RANBP9: variants seen among roughly 807,000 people sequenced by gnomAD.
RANBP9 encodes the protein ran-binding protein 9.
Under a neutral mutation model 84.3 loss-of-function variants are expected in RANBP9, and 15 were observed. The observed-to-expected ratio is 0.18, with a 90% CI of 0.12 to 0.27. The LOEUF (loss-of-function observed/expected upper bound fraction) is 0.27, where lower values mean the gene tolerates loss of function less well. Ranked by LOEUF, RANBP9 falls within the 10% of genes least tolerant of loss-of-function variation. The pLI, the probability that RANBP9 is intolerant of heterozygous loss-of-function variation, is 1.00. For synonymous variants in RANBP9, 392 were observed against 349.6 expected, an observed-to-expected ratio of 1.12 and a Z score of -1.35; for missense variants, 809 against 912.8, an observed-to-expected ratio of 0.89 and a Z score of 1.46.
chr6:13,649,461 G>GAA (rs375894187), intron 5 of RANBP9, among the ~76,000 whole-genome samples: 27 of 92,692 alleles, frequency 2.9e-4, no homozygotes, highest in East Asian at 7.9e-4. Context: ...TGCCACAACA[G>GAA]AAAAAAAAAA....
intron 10 of RANBP9, among the ~76,000 whole-genome samples, chr6:13,636,929 C>G (rs538269642): frequency 5.9e-5 from 9 of 151,920 alleles, no homozygotes; most frequent in Admixed American, 1.3e-4. Flanking sequence ...AAAAGTTAGG[C>G]TCTCTCTCCT....
At chr6:13,657,694 C>A (rs1765433748) in intron 3 of RANBP9, among the ~76,000 whole-genome samples, 1 of 152,134 alleles carries the variant, frequency 6.6e-6, no homozygotes, top group African/African-American at 2.4e-5. Context: ...AGACTGTGAT[C>A]CAAATATAAA....
intron 2 of RANBP9, among the ~76,000 whole-genome samples, chr6:13,686,306 G>T (rs1029591341): frequency 6.6e-6 from 1 of 151,756 alleles, no homozygotes; most frequent in African/African-American, 2.4e-5. Flanking sequence ...TATTTTTTGA[G>T]ATGGAGTCTG....
At chr6:13,635,410 A>G (rs1037373084) in intron 10 of RANBP9, among the ~76,000 whole-genome samples, 4 of 152,214 alleles carry the variant, frequency 2.6e-5, no homozygotes, top group African/African-American at 7.2e-5. Context: ...TAATTATACA[A>G]TCTAGAAGTA....
intron 5 of RANBP9, among the ~76,000 whole-genome samples, chr6:13,646,649 G>A (rs1230261445): frequency 6.6e-6 from 1 of 151,864 alleles, no homozygotes; most frequent in African/African-American, 2.4e-5. Flanking sequence ...CACTATCAAA[G>A]ACAATCAACA....
At chr6:13,690,494 A>G (rs1247279552) in intron 2 of RANBP9, among the ~76,000 whole-genome samples, 1 of 152,194 alleles carries the variant, frequency 6.6e-6, no homozygotes, top group Non-Finnish European at 1.5e-5. Context: ...CAGCAAGCAT[A>G]AAAGGAACAT....
intron 1 of RANBP9, among the ~76,000 whole-genome samples, chr6:13,698,140 C>CACA (rs1322888842): frequency 6.6e-6 from 1 of 152,058 alleles, no homozygotes. Context: ...AGTACATGTT[C>CACA]ACACCCCCCA....
chr6:13,665,253 CATAAAT>C, intron 2 of RANBP9, among the ~76,000 whole-genome samples: 1 of 152,078 alleles, frequency 6.6e-6, no homozygotes. Context: ...AGAGTAAACT[CATAAAT>C]AAAACTTTAG....
chr6:13,630,380 A>G (rs532820625), intron 12 of RANBP9, among the ~76,000 whole-genome samples: 13 of 152,330 alleles, frequency 8.5e-5, no homozygotes, highest in African/African-American at 2.9e-4. Flanking sequence ...CTTCATGTAA[A>G]TAAGAATCAA....
chr6:13,702,378 C>T (rs954983412), intron 1 of RANBP9, among the ~76,000 whole-genome samples: 3 of 152,082 alleles, frequency 2.0e-5, no homozygotes, highest in Non-Finnish European at 4.4e-5. Context: ...GGGATCCGGC[C>T]TGACAAAGCG....
intron 2 of RANBP9, among the ~76,000 whole-genome samples, chr6:13,662,915 C>T (rs1358348409): frequency 6.6e-6 from 1 of 150,658 alleles, no homozygotes; most frequent in Admixed American, 6.6e-5. Context: ...ATCTGAAGGA[C>T]AGAGAAAAAA....
At chr6:13,679,894 C>A (rs1467344209) in intron 2 of RANBP9, among the ~76,000 whole-genome samples, 1 of 152,060 alleles carries the variant, frequency 6.6e-6, no homozygotes, top group African/African-American at 2.4e-5. Context: ...GACTTGTTCA[C>A]AGGAAGTCTC....
chr6:13,665,914 A>C (rs1219631195), intron 2 of RANBP9, among the ~76,000 whole-genome samples: 1 of 152,144 alleles, frequency 6.6e-6, no homozygotes, highest in Non-Finnish European at 1.5e-5. Context: ...AACAAGAAAA[A>C]TCAATCTAAG....
intron 1 of RANBP9, among the ~76,000 whole-genome samples, chr6:13,706,306 T>A (rs1272792307): frequency 6.6e-6 from 1 of 152,090 alleles, no homozygotes; most frequent in African/African-American, 2.4e-5. Flanking sequence ...ATGGCGCCAC[T>A]GCACTCCAGC....
At chr6:13,674,150 T>C (rs1765835530) in intron 2 of RANBP9, among the ~76,000 whole-genome samples, 1 of 148,156 alleles carries the variant, frequency 6.7e-6, no homozygotes, top group Non-Finnish European at 1.5e-5. Context: ...AAGAAACAAA[T>C]ATGGTAGACA....
At chr6:13,703,391 T>C (rs760015340) in intron 1 of RANBP9, among the ~76,000 whole-genome samples, 22 of 152,176 alleles carry the variant, frequency 1.4e-4, no homozygotes, top group South Asian at 2.1e-4. Flanking sequence ...TAGACCTCTC[T>C]CCCAAGCTTC....
chr6:13,634,635 C>T (rs1407305432), intron 10 of RANBP9, 83 bp from the exon 11 acceptor site: 5 of 1,220,934 alleles, frequency 4.1e-6, no homozygotes, highest in Non-Finnish European at 5.5e-6. Context: ...AACTACATAG[C>T]CTACGAATAA....
intron 4 of RANBP9, among the ~76,000 whole-genome samples, chr6:13,653,342 A>G (rs1201811845): frequency 2.6e-5 from 4 of 152,198 alleles, no homozygotes; most frequent in African/African-American, 9.6e-5. Flanking sequence ...TGGCAATATC[A>G]TTGGAATAAG....
Position 13,711,802 on chromosome 6 carries a change from GCGGCCGCCGCGGCCGCTGCT to G in RANBP9, c.-317_-298del, listed in dbSNP as rs990616692. On this transcript the variant is annotated 5_prime_UTR_variant, in exon 1 of 14. Transcript: ENST00000011619. ...GAGCGCGGGAGGGGAAGGCGCGCTG[GCGGCCGCCGCGGCCGCTGCT>G]CTCGCGGCTGTTTCCCGGCGGGCGG... Among the ~76,000 whole-genome samples the G allele has an allele frequency of 1.4e-5, 2 of 146,364 alleles. No individual in the cohort carries two copies. Among genetic ancestry groups the G allele is most frequent in the Non-Finnish European group, 3.0e-5 (2 of 65,784 alleles).
Sources: allele counts gnomAD v4.1 joint callset (sites outside exome capture counted in the v4.1 genomes callset), GRCh38; gene constraint gnomAD v4.1.1; transcripts MANE v1.5; gene names NCBI Gene and HGNC (gene_info 2026-07-23, HGNC 2026-07-21).